TANC2: variants seen among roughly 807,000 people sequenced by gnomAD.
TANC2 encodes protein TANC2.
In TANC2, 26 loss-of-function variants were observed where a neutral mutation model predicts 210.5. The ratio of observed to expected loss-of-function variants is 0.12; its 90% confidence interval spans 0.09 to 0.17. The LOEUF (loss-of-function observed/expected upper bound fraction) is 0.17, where lower values mean the gene tolerates loss of function less well. TANC2 is among the 10% of genes least tolerant of loss of function. TANC2 has a pLI of 1.00. For missense variants in TANC2, 2,129 were observed against 2,608.9 expected (o/e 0.82, Z 4.01); for synonymous variants, 931 against 967.1 (o/e 0.96, Z 0.69).
At chr17:63,345,847 A>G (rs1207207109) in intron 12 of TANC2, among the ~76,000 whole-genome samples, 2 of 152,198 alleles carry the variant, frequency 1.3e-5, no homozygotes, top group African/African-American at 4.8e-5. Context: ...GGCTGATTTG[A>G]TGCTTAAAAG....
At chr17:63,033,273 C>T (rs1380108878) in intron 2 of TANC2, among the ~76,000 whole-genome samples, 1 of 152,116 alleles carries the variant, frequency 6.6e-6, no homozygotes, top group Non-Finnish European at 1.5e-5. Context: ...CTTTTCCGTT[C>T]CCCAGAAGTT....
chr17:62,985,358 C>T (rs925994403), intron 1 of TANC2, among the ~76,000 whole-genome samples: 9 of 152,058 alleles, frequency 5.9e-5, no homozygotes, highest in Admixed American at 1.3e-4. Flanking sequence ...CAGACCTCTT[C>T]GGCTTGAATC....
chr17:63,262,708 C>T (rs1049516719), intron 8 of TANC2, among the ~76,000 whole-genome samples: 1 of 151,464 alleles, frequency 6.6e-6, no homozygotes, highest in African/African-American at 2.4e-5. Flanking sequence ...AAGCAGGAGG[C>T]ATTGGATTAA....
intron 1 of TANC2, among the ~76,000 whole-genome samples, chr17:62,976,627 G>A (rs1272882655): frequency 6.6e-5 from 10 of 151,922 alleles, no homozygotes; most frequent in East Asian, 5.8e-4. Context: ...TTTCCTCCCC[G>A]TCTAATTAGG....
chr17:63,247,577 T>C (rs1300808372), intron 8 of TANC2, among the ~76,000 whole-genome samples: 1 of 152,058 alleles, frequency 6.6e-6, no homozygotes, highest in Non-Finnish European at 1.5e-5. Flanking sequence ...TAGACCTTAA[T>C]TGTGAATGAT....
At chr17:63,333,581 G>T (rs977833556) in intron 11 of TANC2, among the ~76,000 whole-genome samples, 1 of 152,152 alleles carries the variant, frequency 6.6e-6, no homozygotes, top group Non-Finnish European at 1.5e-5. Context: ...AACAATAAGG[G>T]ATTTAGAATA....
intron 3 of TANC2, among the ~76,000 whole-genome samples, chr17:63,075,280 C>T (rs892699140): frequency 6.6e-6 from 1 of 151,984 alleles, no homozygotes. Context: ...TGTTTGAAAT[C>T]ACTTATCTAA....
At chr17:63,247,293 T>C (rs2042943609) in intron 8 of TANC2, among the ~76,000 whole-genome samples, 1 of 152,088 alleles carries the variant, frequency 6.6e-6, no homozygotes, top group South Asian at 2.1e-4. Context: ...TTTGTCAATT[T>C]TTTTTCTGAT....
chr17:62,971,690 A>G (rs1598164750), intron 1 of TANC2, among the ~76,000 whole-genome samples: 1 of 152,150 alleles, frequency 6.6e-6, no homozygotes, highest in African/African-American at 2.4e-5. Context: ...CCTGTTTGGA[A>G]CCAGGGTGCA....
chr17:63,177,133 C>CA (rs2040612351), intron 5 of TANC2, among the ~76,000 whole-genome samples: 1 of 151,418 alleles, frequency 6.6e-6, no homozygotes, highest in East Asian at 2.0e-4. Flanking sequence ...GGCATGGTGG[C>CA]ACACACCTGT....
intron 4 of TANC2, chr17:63,150,871 C>G (rs370551005): frequency 6.6e-6 from 1 of 151,934 alleles, no homozygotes; most frequent in African/African-American, 2.4e-5. Flanking sequence ...TATTTAATGG[C>G]AAAAGAAGCC....
At chr17:63,375,442 A>G (rs979884600) in intron 14 of TANC2, among the ~76,000 whole-genome samples, 3 of 152,204 alleles carry the variant, frequency 2.0e-5, no homozygotes, top group Admixed American at 1.3e-4. Context: ...CACTAGGGTA[A>G]AGTCAATTCT....
chr17:63,153,972 G>GTATA (rs1469721844), intron 5 of TANC2: 2 of 150,516 alleles, frequency 1.3e-5, no homozygotes, highest in East Asian at 4.0e-4. Context: ...CTACTCTGGA[G>GTATA]TATAGCTGTT....
At chr17:62,974,736 G>T (rs2143302845) in intron 1 of TANC2, among the ~76,000 whole-genome samples, 1 of 152,168 alleles carries the variant, frequency 6.6e-6, no homozygotes, top group Non-Finnish European at 1.5e-5. Context: ...ATTAATATTT[G>T]CCACTTCCCT....
At chr17:63,362,337 A>G (rs1056330133) in intron 14 of TANC2, among the ~76,000 whole-genome samples, 1 of 152,166 alleles carries the variant, frequency 6.6e-6, no homozygotes, top group Non-Finnish European at 1.5e-5. Context: ...AAAAAGCACC[A>G]TAAGTTCTCA....
intron 5 of TANC2, among the ~76,000 whole-genome samples, chr17:63,192,627 C>G (rs553514539): frequency 2.0e-5 from 3 of 152,174 alleles, no homozygotes; most frequent in Non-Finnish European, 4.4e-5. Flanking sequence ...AATCCTGGCT[C>G]TGCCATTTAC....
At chr17:63,405,162 C>T (rs1294140131) in exon 20 of TANC2, 3 of 1,613,038 alleles carry the variant, frequency 1.9e-6, no homozygotes, top group East Asian at 4.5e-5. Flanking sequence ...TGGAGGTGTG[C>T]CGTTTGCTCT....
At chr17:63,328,374 A>ATGTG (rs1204956099) in intron 11 of TANC2, among the ~76,000 whole-genome samples, 4 of 121,354 alleles carry the variant, frequency 3.3e-5, no homozygotes, top group African/African-American at 1.8e-4. Context: ...GTGTATGTGT[A>ATGTG]TATGTGTGTG....
At chr17:63,414,470 A>G (rs188990999) in intron 25 of TANC2, among the ~76,000 whole-genome samples, 1 of 152,272 alleles carries the variant, frequency 6.6e-6, no homozygotes, top group Non-Finnish European at 1.5e-5. Flanking sequence ...CCCTGGCCCA[A>G]CCTTGATTTT....
Sources: allele counts gnomAD v4.1 joint callset (sites outside exome capture counted in the v4.1 genomes callset), GRCh38; gene constraint gnomAD v4.1.1; transcripts MANE v1.5; gene names NCBI Gene and HGNC (gene_info 2026-07-23, HGNC 2026-07-21).